The following ZBTB20 variants were observed in gnomAD, a reference collection of about 807,000 sequenced individuals.
The protein encoded by ZBTB20 is zinc finger and BTB domain containing 20.
Under a neutral mutation model 56.9 loss-of-function variants are expected in ZBTB20, and 9 were observed. The ratio of observed to expected loss-of-function variants is 0.16; its 90% CI spans 0.10 to 0.28. ZBTB20 has a LOEUF of 0.28. ZBTB20 is among the 10% of genes least tolerant of loss of function. The pLI, the probability that ZBTB20 is intolerant of heterozygous loss-of-function variation, is 1.00. For synonymous variants in ZBTB20, 417 were observed against 420.7 expected (o/e 0.99, Z 0.11); for missense variants, 655 against 1,003.0 (o/e 0.65, Z 4.69).
At chr3:114,751,965 C>G (rs1420663182) in intron 5 of ZBTB20, among the ~76,000 whole-genome samples, 1 of 152,004 alleles carries the variant, frequency 6.6e-6, no homozygotes, top group African/African-American at 2.4e-5. Context: ...ATATTTTCAG[C>G]AAGTTTCTCT....
At chr3:114,498,887 T>A (rs2043608978) in intron 7 of ZBTB20, among the ~76,000 whole-genome samples, 1 of 152,174 alleles carries the variant, frequency 6.6e-6, no homozygotes, top group Admixed American at 6.5e-5. Context: ...GCTCGCCCTA[T>A]AGCACTGACG....
At chr3:114,660,778 C>A (rs1194521249) in intron 6 of ZBTB20, among the ~76,000 whole-genome samples, 1 of 151,608 alleles carries the variant, frequency 6.6e-6, no homozygotes, top group African/African-American at 2.4e-5. Context: ...GCATTTTTTT[C>A]AATAGTACCC....
At chr3:114,743,734 C>T (rs571137785) in intron 5 of ZBTB20, 1 of 153,530 alleles carries the variant, frequency 6.5e-6, no homozygotes, top group Admixed American at 6.5e-5. Context: ...ATAATTCTGA[C>T]CACCTCCAGC....
chr3:114,764,162 C>T (rs2068624832), intron 5 of ZBTB20, among the ~76,000 whole-genome samples: 1 of 151,646 alleles, frequency 6.6e-6, no homozygotes, highest in Non-Finnish European at 1.5e-5. Flanking sequence ...GCTTTCAGAG[C>T]CAGAATTTTT....
intron 2 of ZBTB20, among the ~76,000 whole-genome samples, chr3:115,064,443 CTTTTTTTTTTTT>C (rs34098178): frequency 1.3e-5 from 1 of 78,044 alleles, no homozygotes; most frequent in Admixed American, 1.7e-4. Context: ...TCTCATAATT[CTTTTTTTTTTTT>C]TTTTTTTTTT....
chr3:114,964,347 AG>A (rs1229516515), intron 3 of ZBTB20, among the ~76,000 whole-genome samples: 1 of 152,168 alleles, frequency 6.6e-6, no homozygotes, highest in African/African-American at 2.4e-5. Context: ...TCCGGGAGGC[AG>A]AAGTTGCAAT....
At chr3:114,476,627 C>A (rs1330080047) in intron 7 of ZBTB20, among the ~76,000 whole-genome samples, 1 of 152,088 alleles carries the variant, frequency 6.6e-6, no homozygotes, top group African/African-American at 2.4e-5. Context: ...ATAATGAACC[C>A]ACTCTCATGA....
intron 2 of ZBTB20, among the ~76,000 whole-genome samples, chr3:114,974,875 T>C (rs889380656): frequency 6.6e-6 from 1 of 151,974 alleles, no homozygotes; most frequent in Non-Finnish European, 1.5e-5. Context: ...CTCAAAATAG[T>C]AGGTAAGGTT....
At chr3:115,097,227 G>C (rs773163006) in intron 1 of ZBTB20, among the ~76,000 whole-genome samples, 2 of 152,240 alleles carry the variant, frequency 1.3e-5, no homozygotes, top group Admixed American at 6.5e-5. Context: ...TCACCAGGCT[G>C]CAGTGCAGTG....
chr3:114,416,310 A>G (rs1363502383), intron 7 of ZBTB20, among the ~76,000 whole-genome samples: 2 of 128,062 alleles, frequency 1.6e-5, no homozygotes, highest in Admixed American at 1.8e-4. Context: ...GATAATTTCA[A>G]TTCCTTAGCA....
At chr3:114,421,408 A>T (rs2089159012) in intron 7 of ZBTB20, among the ~76,000 whole-genome samples, 1 of 152,216 alleles carries the variant, frequency 6.6e-6, no homozygotes, top group Non-Finnish European at 1.5e-5. Context: ...TCTAATGGAC[A>T]ATAATTGATT....
At chr3:114,827,430 C>T (rs1036349357) in intron 4 of ZBTB20, among the ~76,000 whole-genome samples, 19 of 151,702 alleles carry the variant, frequency 1.3e-4, no homozygotes, top group African/African-American at 3.9e-4. Context: ...CCCATTAGTT[C>T]GTTAGTTATA....
Position 114,892,903 on chromosome 3 carries a change from G to A in ZBTB20, c.-417+7401C>T, listed in dbSNP as rs148359420. Among the ~76,000 whole-genome samples, 498 of 152,250 alleles carry A rather than the reference G, an allele frequency of 3.3e-3. 3 individuals are homozygous for A. Among genetic ancestry groups the A allele is most frequent in the African/African-American group, 0.011 (463 of 41,536 alleles). The stretch of plus-strand genomic sequence containing the variant: ...CATAAGAGAAAAGATGGGGGAATGC[G>A]ATGTTTTATTCACTTTAAAATTAAA... On this transcript the variant is annotated intron_variant, in intron 4 of 11. Coordinates refer to ENST00000675478, the MANE Select transcript of ZBTB20 (RefSeq NM_001348800.3).
At chr3:114,664,895 T>C (rs1052193526) in intron 6 of ZBTB20, among the ~76,000 whole-genome samples, 2 of 152,112 alleles carry the variant, frequency 1.3e-5, no homozygotes, top group African/African-American at 2.4e-5. Flanking sequence ...GACTTACTTA[T>C]TCCAGGGTCT....
intron 4 of ZBTB20, among the ~76,000 whole-genome samples, chr3:114,847,844 T>G (rs1481527688): frequency 6.6e-6 from 1 of 152,212 alleles, no homozygotes; most frequent in Non-Finnish European, 1.5e-5. Flanking sequence ...CAGTAAGCAC[T>G]TGTTGATTGA....
intron 3 of ZBTB20, among the ~76,000 whole-genome samples, chr3:114,968,620 C>A (rs1455693078): frequency 6.6e-6 from 1 of 152,064 alleles, no homozygotes; most frequent in Non-Finnish European, 1.5e-5. Flanking sequence ...ACATATACAC[C>A]CAATGAGAAA....
At chr3:114,987,570 C>A (rs979228853) in intron 2 of ZBTB20, among the ~76,000 whole-genome samples, 1 of 152,104 alleles carries the variant, frequency 6.6e-6, no homozygotes, top group African/African-American at 2.4e-5. Flanking sequence ...GCTTTATTAC[C>A]TATGCTCTTG....
At position 114,865,004 on chromosome 3, in the gene ZBTB20, C is replaced by T. The variant is rs529908741; in HGVS notation, c.-417+35300G>A. Among the ~76,000 whole-genome samples the T allele has an allele frequency of 5.9e-5, 9 of 151,988 alleles. No individual in the cohort carries two copies. In the South Asian group the frequency reaches 1.7e-3, roughly 28 times the overall value. ...CATTATAATTTTCTCTGGAGTTTTC[C>T]TCCCATAAGCAACAGCCAGATGACA... On this transcript the variant is annotated intron_variant, in intron 4 of 11. Transcript: ENST00000675478.
intron 3 of ZBTB20, chr3:114,930,833 T>C (rs1310255054): frequency 7.0e-6 from 2 of 286,020 alleles, no homozygotes; most frequent in Non-Finnish European, 1.4e-5. Context: ...ACTGTGGAGT[T>C]TGATGATGTT....
Sources: allele counts gnomAD v4.1 joint callset (sites outside exome capture counted in the v4.1 genomes callset), GRCh38; gene constraint gnomAD v4.1.1; transcripts MANE v1.5; gene names NCBI Gene and HGNC (gene_info 2026-07-23, HGNC 2026-07-21).